The following CCDC7 variants were observed in gnomAD, a reference collection of about 807,000 sequenced individuals.
CCDC7 encodes coiled-coil domain containing 7, also known as coiled-coil domain-containing protein 7.
Under a neutral mutation model 196.9 loss-of-function variants are expected in CCDC7, and 183 were observed. That is an observed-to-expected ratio of 0.93 (90% CI 0.82 to 1.05). CCDC7 has a LOEUF of 1.05. Ranked by LOEUF, CCDC7 falls within the 50% of genes least tolerant of loss-of-function variation. The pLI, the probability that CCDC7 is intolerant of heterozygous loss-of-function variation, is 0.00. For synonymous variants in CCDC7, 525 were observed against 484.6 expected (o/e 1.08, Z -1.10); for missense variants, 1,540 against 1,482.2 (o/e 1.04, Z -0.64).
intron 20 of CCDC7, among the ~76,000 whole-genome samples, chr10:32,661,867 A>C (rs1362395054): frequency 2.2e-4 from 33 of 152,082 alleles, no homozygotes; most frequent in Admixed American, 2.2e-3. Context: ...GCACTCCTTT[A>C]GCTGTCCTGG....
At chr10:32,754,187 A>G (rs1592369524) in intron 28 of CCDC7, among the ~76,000 whole-genome samples, 1 of 152,294 alleles carries the variant, frequency 6.6e-6, no homozygotes, top group African/African-American at 2.4e-5. Flanking sequence ...TTAAAGCTTA[A>G]AAGAATCAAA....
intron 28 of CCDC7, among the ~76,000 whole-genome samples, chr10:32,770,539 G>T (rs537431487): frequency 1.3e-5 from 2 of 152,148 alleles, no homozygotes; most frequent in South Asian, 4.1e-4. Context: ...CTATTATATG[G>T]TCTGTCTTGG....
At chr10:32,662,608 A>G (rs142591698) in intron 20 of CCDC7, among the ~76,000 whole-genome samples, 5 of 152,286 alleles carry the variant, frequency 3.3e-5, no homozygotes, top group African/African-American at 7.2e-5. Flanking sequence ...AACTAGAGCC[A>G]TAGATGTCTT....
At chr10:32,490,903 A>T (rs1006575021) in intron 8 of CCDC7, among the ~76,000 whole-genome samples, 1 of 152,250 alleles carries the variant, frequency 6.6e-6, no homozygotes, top group South Asian at 2.1e-4. Context: ...TTTAATTCTT[A>T]CGAAGCTGGC....
chr10:32,828,391 A>ATAG (rs1303974066), intron 32 of CCDC7, among the ~76,000 whole-genome samples: 2 of 133,192 alleles, frequency 1.5e-5, no homozygotes, highest in Admixed American at 8.0e-5. Context: ...ATAGTTTAAA[A>ATAG]AAGAAGAAGA....
chr10:32,481,085 A>T (rs1166771015), intron 8 of CCDC7, among the ~76,000 whole-genome samples: 1 of 152,124 alleles, frequency 6.6e-6, no homozygotes, highest in African/African-American at 2.4e-5. Context: ...ATTATATAAT[A>T]ATCTTCTTTG....
intron 18 of CCDC7, among the ~76,000 whole-genome samples, chr10:32,630,809 T>G (rs2064757946): frequency 6.6e-6 from 1 of 152,218 alleles, no homozygotes. Context: ...ATAATTTATA[T>G]GCTGTGTCAG....
chr10:32,639,749 T>G (rs2139789022), intron 20 of CCDC7, among the ~76,000 whole-genome samples: 1 of 151,090 alleles, frequency 6.6e-6, no homozygotes, highest in South Asian at 2.1e-4. Flanking sequence ...TGCCTCAGCC[T>G]CTCCGAGTAG....
At chr10:32,642,627 T>A (rs1240261487) in intron 20 of CCDC7, among the ~76,000 whole-genome samples, 4 of 152,296 alleles carry the variant, frequency 2.6e-5, no homozygotes, top group African/African-American at 7.2e-5. Flanking sequence ...TGCCTCACCC[T>A]GCTTCAGCTT....
chr10:32,643,977 G>T (rs995519664), intron 20 of CCDC7, among the ~76,000 whole-genome samples: 1 of 151,216 alleles, frequency 6.6e-6, no homozygotes, highest in African/African-American at 2.4e-5. Context: ...TTGATTTCTG[G>T]CATATTTTTA....
Position 32,756,275 on chromosome 10 carries a change from C to T in CCDC7, c.2906-22702C>T, listed in dbSNP as rs972541897. ...CAGAGAACACCACAAAGATACTCCT[C>T]GAGAAGAGCAACTCCAAGACACATA... On this transcript the variant is annotated intron_variant, in intron 28 of 41. Transcript: ENST00000639629. Among the ~76,000 whole-genome samples the T allele has an allele frequency of 1.0e-3, 153 of 152,032 alleles. 1 individual carries two copies. Among genetic ancestry groups the T allele is most frequent in the African/African-American group, 3.5e-3 (144 of 41,382 alleles).
chr10:32,539,792 G>T (rs1013453895), intron 11 of CCDC7, among the ~76,000 whole-genome samples: 1 of 139,248 alleles, frequency 7.2e-6, no homozygotes, highest in South Asian at 2.1e-4. Context: ...TCAGGAGGAG[G>T]TTGTTTAATT....
At chr10:32,636,652 A>G (rs2065702998) in intron 20 of CCDC7, among the ~76,000 whole-genome samples, 10 of 152,140 alleles carry the variant, frequency 6.6e-5, no homozygotes, top group Admixed American at 6.5e-4. Flanking sequence ...GGTTGGTTCC[A>G]AGTCTTTGCT....
chr10:32,755,954 A>T (rs1362715174), intron 28 of CCDC7, among the ~76,000 whole-genome samples: 1 of 152,222 alleles, frequency 6.6e-6, no homozygotes, highest in Non-Finnish European at 1.5e-5. Context: ...GAACTATGTG[A>T]TACATGCACA....
chr10:32,471,454 G>C (rs1029231114), intron 6 of CCDC7, among the ~76,000 whole-genome samples: 3 of 152,118 alleles, frequency 2.0e-5, no homozygotes, highest in Non-Finnish European at 4.4e-5. Flanking sequence ...TAGAAAATCA[G>C]TTTCTTAGTC....
At chr10:32,594,677 G>A (rs531242925) in intron 18 of CCDC7, among the ~76,000 whole-genome samples, 1 of 152,274 alleles carries the variant, frequency 6.6e-6, no homozygotes, top group East Asian at 1.9e-4. Context: ...TATGATATTG[G>A]CTGTGGGTTT....
chr10:32,752,095 C>A (rs1484526221), intron 28 of CCDC7, among the ~76,000 whole-genome samples: 2 of 152,078 alleles, frequency 1.3e-5, no homozygotes, highest in African/African-American at 4.8e-5. Flanking sequence ...TCAGCAGAGG[C>A]AATATCCATA....
At chr10:32,861,134 A>AAAAAAAAAAAAAAG (rs1275141498) in intron 41 of CCDC7, among the ~76,000 whole-genome samples, 1 of 150,566 alleles carries the variant, frequency 6.6e-6, no homozygotes, top group Admixed American at 6.6e-5. Context: ...AAAAAAAAAA[A>AAAAAAAAAAAAAAG]GAAAGCTGAA....
intron 25 of CCDC7, among the ~76,000 whole-genome samples, chr10:32,721,907 C>A (rs2082464660): frequency 6.6e-6 from 1 of 152,072 alleles, no homozygotes; most frequent in African/African-American, 2.4e-5. Context: ...GTTCCTTTGT[C>A]TTGGGCAGTA....
Sources: gnomAD v4.1 joint callset for allele counts (sites outside exome capture counted in the v4.1 genomes callset) on GRCh38, gnomAD v4.1.1 for gene constraint, MANE v1.5 for transcripts, NCBI Gene and HGNC (gene_info 2026-07-23, HGNC 2026-07-21) for gene names.